ATP2C1: variants seen among roughly 807,000 people sequenced by gnomAD.
ATP2C1 encodes ATPase secretory pathway Ca2+ transporting 1, also known as calcium-transporting ATPase type 2C member 1.
A neutral mutation model predicts 120.5 loss-of-function variants in ATP2C1; 31 were observed. The ratio of observed to expected loss-of-function variants is 0.26; its 90% CI spans 0.19 to 0.35. The LOEUF (loss-of-function observed/expected upper bound fraction) is 0.35, where lower values mean the gene tolerates loss of function less well. Among genes scored for constraint, ATP2C1 ranks in the 10% least tolerant of loss-of-function variants. The pLI is 1.00. For missense variants in ATP2C1, 731 were observed against 1,107.5 expected (o/e 0.66, Z 4.83); for synonymous variants, 351 against 358.7 (o/e 0.98, Z 0.24).
chr3:130,988,361 C>T (rs1269740080), intron 20 of ATP2C1, among the ~76,000 whole-genome samples: 4 of 152,110 alleles, frequency 2.6e-5, no homozygotes, highest in African/African-American at 9.7e-5. Context: ...AAGGAGGACT[C>T]ATAAGAAGAG....
At chr3:131,005,950 G>C (rs1403100225), downstream of ATP2C1, among the ~76,000 whole-genome samples, 1 of 151,710 alleles carries the variant, frequency 6.6e-6, no homozygotes, top group African/African-American at 2.4e-5. Context: ...GTGAGAGCGT[G>C]TGTGTGTGTG....
At chr3:130,919,814 G>A (rs894418026) in intron 2 of ATP2C1, among the ~76,000 whole-genome samples, 1 of 152,134 alleles carries the variant, frequency 6.6e-6, no homozygotes, top group Non-Finnish European at 1.5e-5. Context: ...CCACCAACAG[G>A]ATTCCAATTT....
At chr3:130,941,275 T>TGTGC (rs2059905585) in intron 7 of ATP2C1, among the ~76,000 whole-genome samples, 1 of 150,692 alleles carries the variant, frequency 6.6e-6, no homozygotes, top group Admixed American at 6.6e-5. Context: ...TCTGTGTGTG[T>TGTGC]GCGCGCACGC....
intron 1 of ATP2C1, among the ~76,000 whole-genome samples, chr3:130,867,157 T>C (rs2068205788): frequency 6.6e-6 from 1 of 152,348 alleles, no homozygotes; most frequent in South Asian, 2.1e-4. Context: ...CCCAGCTCTC[T>C]TCTCCTTGGG....
chr3:130,969,745 A>G (rs538126622), intron 17 of ATP2C1, among the ~76,000 whole-genome samples: 49 of 152,262 alleles, frequency 3.2e-4, no homozygotes, highest in Non-Finnish European at 5.7e-4. Context: ...CTGTGTTTCA[A>G]TCTGTGTTCT....
At chr3:130,949,596 A>C (rs1038611512) in intron 8 of ATP2C1, among the ~76,000 whole-genome samples, 5 of 152,160 alleles carry the variant, frequency 3.3e-5, no homozygotes, top group African/African-American at 1.2e-4. Flanking sequence ...GGTTGTACCG[A>C]ACATTTTCAA....
chr3:131,014,378 A>G, intron 26 of ATP2C1: 1 of 1,595,306 alleles, frequency 6.3e-7, no homozygotes, highest in South Asian at 1.2e-5. Flanking sequence ...CCAGGCTTCC[A>G]CTGTACAGTC....
At chr3:130,993,865 C>A (rs1303318714) in intron 21 of ATP2C1, 67 bp from the exon 22 acceptor site, 1 of 1,525,122 alleles carries the variant, frequency 6.6e-7, no homozygotes, top group South Asian at 1.1e-5. Flanking sequence ...ATTTGTTTAT[C>A]GCTTTGTATG....
In ATP2C1 at chr3:131,010,430, G is replaced by A. The variant is rs186805971; in HGVS notation, c.2630-5722G>A. 2.4e-4 allele frequency among the ~76,000 whole-genome samples: 37 copies of A among 151,948 alleles called. No homozygotes were observed. The East Asian group carries it at 4.8e-3, about 20-fold the overall frequency. On this transcript the variant is annotated intron_variant, in intron 26 of 26. Coordinates refer to the ATP2C1 transcript ENST00000328560. ...AGGATGGTCTCGATCTCCTGACCTCGTGATCTGCCCACCTCAGCCTCCCAA... is the reference window on the plus strand; with the variant it reads ...AGGATGGTCTCGATCTCCTGACCTCATGATCTGCCCACCTCAGCCTCCCAA...
At position 130,994,053 on chromosome 3, in the gene ATP2C1, A is replaced by G. The variant is rs1050331693; in HGVS notation, c.2012A>G (p.Glu671Gly). The G allele has an allele frequency of 3.7e-6, 6 of 1,614,036 alleles. No individual in the cohort carries two copies. Among genetic ancestry groups the G allele is most frequent in the African/African-American group, 1.3e-5 (1 of 74,922 alleles). ...CAGACTGGTACAGATGTTTGCAAAG[A>G]GGCAGCAGACATGATCCTAGTGGAT... Reference protein sequence around the residue: ...MGQTGTDVCKEAADMILVDDD... With the variant: ...MGQTGTDVCKGAADMILVDDD... Residue 671 changes from glutamate (E) to glycine (G), a missense_variant, in exon 22 of 28, where the codon GAG becomes GGG. Physicochemically the swap from Glu to Gly is moderately conservative, Grantham distance 98. Coordinates refer to ENST00000510168, the MANE Select transcript of ATP2C1 (RefSeq NM_001378687.1).
chr3:130,925,880 A>G (rs2059182156), intron 2 of ATP2C1, among the ~76,000 whole-genome samples: 1 of 152,104 alleles, frequency 6.6e-6, no homozygotes, highest in African/African-American at 2.4e-5. Context: ...CTGCTGAGTC[A>G]TACAGGCCAC....
chr3:131,012,260 C>CTTTTTTTT (rs71620100), intron 26 of ATP2C1, among the ~76,000 whole-genome samples: 167 of 127,052 alleles, frequency 1.3e-3, no homozygotes, highest in Non-Finnish European at 1.7e-3. Context: ...TTTCTTTTTT[C>CTTTTTTTT]TTTTTTTTTT....
upstream of ATP2C1, among the ~76,000 whole-genome samples, chr3:130,889,762 C>T (rs2069108690): frequency 6.6e-6 from 1 of 151,670 alleles, no homozygotes; most frequent in Non-Finnish European, 1.5e-5. Flanking sequence ...CTTCCCACCC[C>T]AGCTGCCTGA....
upstream of ATP2C1, among the ~76,000 whole-genome samples, chr3:130,891,919 G>A (rs542539591): frequency 9.2e-5 from 14 of 152,104 alleles, no homozygotes; most frequent in Non-Finnish European, 1.8e-4. Context: ...ATTTCCAGAT[G>A]CTTAAGTTTT....
At chr3:130,997,853 G>T in intron 25 of ATP2C1, 100 bp downstream of exon 25, 1 of 1,288,380 alleles carries the variant, frequency 7.8e-7, no homozygotes, top group Non-Finnish European at 1.1e-6. Context: ...GGGAAGTTAA[G>T]GGAGCTCTTT....
At chr3:130,872,224 A>C (rs531675857) in intron 1 of ATP2C1, among the ~76,000 whole-genome samples, 1 of 152,294 alleles carries the variant, frequency 6.6e-6, no homozygotes, top group South Asian at 2.1e-4. Context: ...AGCCATTATG[A>C]GGTCTTAATT....
chr3:130,907,083 C>G (rs1391396670), intron 2 of ATP2C1, among the ~76,000 whole-genome samples: 1 of 150,932 alleles, frequency 6.6e-6, no homozygotes, highest in Non-Finnish European at 1.5e-5. Flanking sequence ...TGTGTGTACA[C>G]ACACACACAC....
intron 27 of ATP2C1, 57 bp from the exon 28 acceptor site, chr3:131,001,163 A>T: frequency 1.4e-6 from 2 of 1,404,178 alleles, no homozygotes; most frequent in Non-Finnish European, 2.0e-6. Context: ...TAAGCTATTA[A>T]GCTTTGCAAC....
At chr3:130,873,416 A>G (rs139985622) in intron 1 of ATP2C1, among the ~76,000 whole-genome samples, 66 of 152,342 alleles carry the variant, frequency 4.3e-4, no homozygotes, top group Non-Finnish European at 7.3e-4. Context: ...TGTTTTGAGC[A>G]TTAAATTTAA....
Sources: allele counts gnomAD v4.1 joint callset (sites outside exome capture counted in the v4.1 genomes callset), GRCh38; gene constraint gnomAD v4.1.1; transcripts MANE v1.5; gene names NCBI Gene and HGNC (gene_info 2026-07-23, HGNC 2026-07-21).